DIP2C: variants seen among roughly 807,000 people sequenced by gnomAD.
The protein encoded by DIP2C is DIP2 acetate--CoA ligase C (putative).
In DIP2C, 33 loss-of-function variants were observed where a neutral mutation model predicts 192.4. The ratio of observed to expected loss-of-function variants is 0.17; its 90% CI spans 0.13 to 0.23. DIP2C has a LOEUF of 0.23. Among genes scored for constraint, DIP2C ranks in the 10% least tolerant of loss-of-function variants. DIP2C has a pLI of 1.00. For synonymous variants in DIP2C, 979 were observed against 864.1 expected, an observed-to-expected ratio of 1.13 and a Z score of -2.33; for missense variants, 1,537 against 2,110.1, an observed-to-expected ratio of 0.73 and a Z score of 5.32.
intron 1 of DIP2C, among the ~76,000 whole-genome samples, chr10:640,902 G>A (rs1459134870): frequency 6.6e-6 from 1 of 152,098 alleles, no homozygotes; most frequent in Non-Finnish European, 1.5e-5. Flanking sequence ...CAGAGGGGCT[G>A]CATGAACCAG....
At chr10:422,410 C>T (rs1440370116) in intron 5 of DIP2C, among the ~76,000 whole-genome samples, 1 of 152,164 alleles carries the variant, frequency 6.6e-6, no homozygotes, top group Non-Finnish European at 1.5e-5. Context: ...AGTGTGCCGG[C>T]CCCCAAGAAG....
At chr10:649,272 A>G (rs1855707796) in intron 1 of DIP2C, among the ~76,000 whole-genome samples, 1 of 150,046 alleles carries the variant, frequency 6.7e-6, no homozygotes, top group Admixed American at 6.6e-5. Flanking sequence ...AACTGAGTCC[A>G]CGTCAACATT....
intron 8 of DIP2C, among the ~76,000 whole-genome samples, chr10:411,515 G>A (rs1965184178): frequency 6.6e-6 from 1 of 152,196 alleles, no homozygotes; most frequent in Non-Finnish European, 1.5e-5. Context: ...GCGCTTCGTA[G>A]GAAGCTAAAT....
chr10:448,214 C>A (rs1229110176), intron 3 of DIP2C, among the ~76,000 whole-genome samples: 1 of 130,818 alleles, frequency 7.6e-6, no homozygotes, highest in African/African-American at 4.1e-5. Flanking sequence ...AGGACCCACT[C>A]ATTCCCGTCA....
At chr10:588,585 C>CG (rs1851222972) in intron 1 of DIP2C, among the ~76,000 whole-genome samples, 7 of 152,320 alleles carry the variant, frequency 4.6e-5, no homozygotes, top group Admixed American at 4.6e-4. Context: ...ACAGAGGTCC[C>CG]GGCAGAGGTC....
chr10:424,934 G>C (rs919847299), intron 4 of DIP2C, among the ~76,000 whole-genome samples: 21 of 151,810 alleles, frequency 1.4e-4, no homozygotes, highest in African/African-American at 4.9e-4. Context: ...ATAACCAACG[G>C]TGACTAATAT....
At chr10:315,600 G>C (rs1956742380) in intron 31 of DIP2C, among the ~76,000 whole-genome samples, 1 of 152,144 alleles carries the variant, frequency 6.6e-6, no homozygotes. Context: ...TTTCTGCAGG[G>C]ACTTTAAGAT....
At chr10:456,398 C>A (rs1969299577) in intron 3 of DIP2C, among the ~76,000 whole-genome samples, 1 of 145,786 alleles carries the variant, frequency 6.9e-6, no homozygotes, top group African/African-American at 2.7e-5. Flanking sequence ...GAGTCCCTGC[C>A]TGAGGGGAGG....
At chr10:378,795 A>G (rs922451685) in intron 17 of DIP2C, among the ~76,000 whole-genome samples, 4 of 131,188 alleles carry the variant, frequency 3.0e-5, no homozygotes, top group African/African-American at 1.2e-4. Flanking sequence ...ACACCCATGG[A>G]CATGCATAAA....
chr10:291,663 C>CG (rs1955503526), intron 32 of DIP2C, among the ~76,000 whole-genome samples: 1 of 152,142 alleles, frequency 6.6e-6, no homozygotes, highest in Non-Finnish European at 1.5e-5. Flanking sequence ...AGTTAAGACC[C>CG]GGGTCAAAGT....
intron 31 of DIP2C, among the ~76,000 whole-genome samples, chr10:318,595 C>A (rs190551454): frequency 6.6e-6 from 1 of 152,362 alleles, no homozygotes; most frequent in Admixed American, 6.5e-5. Flanking sequence ...GTGCCTCAAA[C>A]TGCCAAAGGA....
intron 6 of DIP2C, among the ~76,000 whole-genome samples, chr10:417,147 A>G (rs1032982461): frequency 1.3e-5 from 2 of 152,184 alleles, no homozygotes; most frequent in African/African-American, 4.8e-5. Context: ...GTTCAGATGA[A>G]TCATACCATT....
chr10:542,118 C>T (rs1454325635), intron 1 of DIP2C, among the ~76,000 whole-genome samples: 1 of 152,210 alleles, frequency 6.6e-6, no homozygotes, highest in African/African-American at 2.4e-5. Flanking sequence ...AACCCAGCAA[C>T]ACCTTGAGGC....
At chr10:430,039 T>G (rs1263781361) in intron 4 of DIP2C, among the ~76,000 whole-genome samples, 1 of 152,208 alleles carries the variant, frequency 6.6e-6, no homozygotes, top group Non-Finnish European at 1.5e-5. Context: ...CTCCACATCT[T>G]CATAGGCTGT....
chr10:373,628 T>A (rs1460776393), intron 17 of DIP2C, among the ~76,000 whole-genome samples: 1 of 152,052 alleles, frequency 6.6e-6, no homozygotes, highest in Non-Finnish European at 1.5e-5. Flanking sequence ...TGACACACCA[T>A]AAACTAAGCC....
intron 1 of DIP2C, among the ~76,000 whole-genome samples, chr10:682,016 T>C (rs1214651710): frequency 6.6e-6 from 1 of 152,270 alleles, no homozygotes; most frequent in Non-Finnish European, 1.5e-5. Flanking sequence ...TCCAACTGCA[T>C]GGAGTGTGTA....
At chr10:408,629 T>C (rs1317688587) in intron 9 of DIP2C, among the ~76,000 whole-genome samples, 2 of 152,068 alleles carry the variant, frequency 1.3e-5, no homozygotes, top group East Asian at 1.9e-4. Context: ...CTAAAGCACA[T>C]AGGTAAAAAG....
At chr10:340,606 A>G (rs1326228254) in intron 29 of DIP2C, 8 of 360,080 alleles carry the variant, frequency 2.2e-5, no homozygotes, top group Middle Eastern at 4.0e-4. Flanking sequence ...TATAATTTCT[A>G]CAATGAACAT....
intron 28 of DIP2C, among the ~76,000 whole-genome samples, chr10:343,641 C>T (rs969617193): frequency 6.6e-6 from 1 of 152,220 alleles, no homozygotes; most frequent in African/African-American, 2.4e-5. Flanking sequence ...ATTTATACAA[C>T]ATCCATCCAG....
Sources: gnomAD v4.1 joint callset for allele counts (sites outside exome capture counted in the v4.1 genomes callset) on GRCh38, gnomAD v4.1.1 for gene constraint, MANE v1.5 for transcripts, NCBI Gene and HGNC (gene_info 2026-07-23, HGNC 2026-07-21) for gene names.